Variants in SUPT3H observed in about 807,000 individuals in gnomAD.
SUPT3H encodes the protein SPT3 homolog, SAGA and STAGA complex component, also known as transcription initiation protein SPT3 homolog.
SUPT3H carries 44 observed loss-of-function variants against 44.3 expected under a neutral mutation model. The observed-to-expected ratio is 0.99, with a 90% confidence interval of 0.78 to 1.28. The LOEUF is 1.28. Ranked by LOEUF, SUPT3H falls within the 50% of genes most tolerant of loss-of-function variation. The pLI is 0.00. For missense variants in SUPT3H, 380 were observed against 387.1 expected (o/e 0.98, Z 0.15); for synonymous variants, 124 against 125.6 (o/e 0.99, Z 0.09).
chr6:44,928,040 A>G (rs908402231), intron 10 of SUPT3H, among the ~76,000 whole-genome samples: 2 of 152,180 alleles, frequency 1.3e-5, no homozygotes, highest in Admixed American at 1.3e-4. Context: ...CCTATTATGA[A>G]GTATAATCTA....
intron 2 of SUPT3H, among the ~76,000 whole-genome samples, chr6:45,181,325 A>T (rs1813131571): frequency 6.6e-6 from 1 of 151,200 alleles, no homozygotes; most frequent in Non-Finnish European, 1.5e-5. Flanking sequence ...TCAGGGATCT[A>T]GAACTAGGAA....
At chr6:45,295,230 C>A (rs1252035885) in intron 2 of SUPT3H, among the ~76,000 whole-genome samples, 1 of 151,646 alleles carries the variant, frequency 6.6e-6, no homozygotes, top group African/African-American at 2.4e-5. Context: ...AACAAACAAA[C>A]AAAACATAAA....
chr6:45,007,735 C>A (rs948488065), intron 5 of SUPT3H, among the ~76,000 whole-genome samples: 10 of 149,618 alleles, frequency 6.7e-5, no homozygotes, highest in South Asian at 2.1e-4. Flanking sequence ...TATTCCCCCC[C>A]ACTTTTTTTT....
intron 2 of SUPT3H, among the ~76,000 whole-genome samples, chr6:45,308,949 C>G (rs1190017625): frequency 2.9e-5 from 4 of 139,542 alleles, no homozygotes; most frequent in East Asian, 4.2e-4. Context: ...ACTGTTTATG[C>G]CTTTTAAAAA....
At chr6:44,991,490 T>C (rs1169216024) in intron 6 of SUPT3H, among the ~76,000 whole-genome samples, 2 of 146,952 alleles carry the variant, frequency 1.4e-5, no homozygotes, top group Non-Finnish European at 3.0e-5. Flanking sequence ...TAAATATTTA[T>C]GGCTTAATCC....
At chr6:45,238,412 T>C (rs151132235) in intron 2 of SUPT3H, among the ~76,000 whole-genome samples, 2,358 of 152,342 alleles carry the variant, frequency 0.015, 18 homozygotes, top group Non-Finnish European at 0.025. Context: ...TAATTGGATA[T>C]GACCTGCTCT....
chr6:45,268,935 G>A (rs1387721200), intron 2 of SUPT3H, among the ~76,000 whole-genome samples: 1 of 152,136 alleles, frequency 6.6e-6, no homozygotes, highest in Non-Finnish European at 1.5e-5. Context: ...TCAGGAAAAT[G>A]TAACTTTTTT....
rs765270979 is a variant in SUPT3H at position 45,230,660 on chromosome 6, G to GCCTATATATATATATATATATATATA, written c.102-124655_102-124654insTATATATATATATATATATATATAGG. The stretch of plus-strand genomic sequence containing the variant: ...TGAAATCATGTTTTAAATTCATTCA[G>GCCTATATATATATATATATATATATA]TCTATATATATATATATATATATAT... On this transcript the variant is annotated intron_variant, in intron 2 of 10. Transcript: ENST00000371459. Among the ~76,000 whole-genome samples the GCCTATATATATATATATATATATATA allele has an allele frequency of 9.4e-4, 48 of 51,132 alleles. 2 individuals are homozygous for GCCTATATATATATATATATATATATA. The highest frequency in any genetic ancestry group is 2.9e-3 in the South Asian group (3 of 1,028). The allele number at this position is 51,132 out of a possible 152,430, so 33.5% of individuals were successfully genotyped here. A position where few individuals can be genotyped will look rare whatever the true frequency, so the allele number is the denominator to read the frequency against.
At chr6:44,888,729 C>T (rs1411895824) in intron 10 of SUPT3H, among the ~76,000 whole-genome samples, 1 of 152,008 alleles carries the variant, frequency 6.6e-6, no homozygotes, top group Non-Finnish European at 1.5e-5. Flanking sequence ...CCTCTCTCAC[C>T]ACTCCTATTC....
At position 45,334,613 on chromosome 6, in the gene SUPT3H, G is replaced by A. The variant is rs571964300; in HGVS notation, c.101+30588C>T. Among the ~76,000 whole-genome samples the A allele has an allele frequency of 2.5e-3, 383 of 150,888 alleles. 1 individual carries two copies. The highest frequency in any genetic ancestry group is 6.9e-3 in the South Asian group (33 of 4,796). ...CATGAACACGATGTATTTTTACACC[G>A]AAACAAAATACGTGTCATATATGTT... On this transcript the variant is annotated intron_variant, in intron 2 of 10. Coordinates refer to ENST00000371459, the MANE Select transcript of SUPT3H (RefSeq NM_003599.4).
At chr6:45,106,559 C>CA (rs1441000296) in intron 2 of SUPT3H, among the ~76,000 whole-genome samples, 2 of 151,518 alleles carry the variant, frequency 1.3e-5, no homozygotes, top group African/African-American at 4.9e-5. Context: ...TTTTTTGAGA[C>CA]AGAGTCTCAC....
chr6:44,882,055 A>T (rs1052062657), intron 10 of SUPT3H, among the ~76,000 whole-genome samples: 1 of 152,204 alleles, frequency 6.6e-6, no homozygotes. Flanking sequence ...AGTGAAGGAG[A>T]CAGAGACACG....
chr6:44,932,798 C>A (rs753350281), intron 9 of SUPT3H, 35 bp from the exon 10 acceptor site: 2 of 1,387,392 alleles, frequency 1.4e-6, no homozygotes, highest in African/African-American at 1.5e-5. Flanking sequence ...GTTACTAAAT[C>A]AAAAACACGC....
chr6:45,363,155 A>G (rs35113874), intron 2 of SUPT3H, among the ~76,000 whole-genome samples: 7,168 of 152,216 alleles, frequency 0.047, 224 homozygotes, highest in Non-Finnish European at 0.07. Context: ...TGTCGCAAAT[A>G]CTCAACTCTG....
chr6:44,957,158 C>A lies in SUPT3H; in HGVS notation c.581-2551G>T, dbSNP rs138801926. Among the ~76,000 whole-genome samples, 919 of 150,584 alleles carry A rather than the reference C, an allele frequency of 6.1e-3. 8 individuals are homozygous for A. The highest frequency in any genetic ancestry group is 0.022 in the African/African-American group (880 of 39,926). ...CTGATTATTCTTTTGATTAATCTGG[C>A]CCCACGGGTCTATAAAACACTTAAT... is the stretch of plus-strand genomic sequence containing the variant. On this transcript the variant is annotated intron_variant, in intron 7 of 10. Transcript: ENST00000371459.
At chr6:44,921,821 G>A (rs1768775011) in intron 10 of SUPT3H, among the ~76,000 whole-genome samples, 3 of 152,194 alleles carry the variant, frequency 2.0e-5, no homozygotes, top group Admixed American at 2.0e-4. Context: ...AGGCCAGGCT[G>A]TGAACTTCTG....
intron 10 of SUPT3H, among the ~76,000 whole-genome samples, chr6:44,834,278 A>ATGGAAATTCTAATTT (rs1318807363): frequency 6.6e-6 from 1 of 152,202 alleles, no homozygotes; most frequent in African/African-American, 2.4e-5. Context: ...ATATTTCCTA[A>ATGGAAATTCTAATTT]TGGAAATTCT....
chr6:45,305,009 C>T (rs1359104889), intron 2 of SUPT3H, among the ~76,000 whole-genome samples: 1 of 152,170 alleles, frequency 6.6e-6, no homozygotes, highest in Non-Finnish European at 1.5e-5. Context: ...CAATAGGAAT[C>T]ACAGAGGAAT....
intron 6 of SUPT3H, among the ~76,000 whole-genome samples, chr6:44,991,253 C>T (rs976979685): frequency 7.9e-5 from 12 of 151,984 alleles, no homozygotes; most frequent in South Asian, 2.1e-4. Context: ...TAAAAATTTT[C>T]GGAATTTCTA....
Sources: allele counts gnomAD v4.1 joint callset (sites outside exome capture counted in the v4.1 genomes callset), GRCh38; gene constraint gnomAD v4.1.1; transcripts MANE v1.5; gene names NCBI Gene and HGNC (gene_info 2026-07-23, HGNC 2026-07-21).